IQSEC1: variants seen among roughly 807,000 people sequenced by gnomAD.
IQSEC1 encodes the protein IQ motif and SEC7 domain-containing protein 1.
IQSEC1 carries 31 observed loss-of-function variants against 91.0 expected under a neutral mutation model. The observed-to-expected ratio is 0.34, with a 90% CI of 0.26 to 0.46. The LOEUF (loss-of-function observed/expected upper bound fraction) is 0.46, where lower values mean the gene tolerates loss of function less well. Among genes scored for constraint, IQSEC1 ranks in the 20% least tolerant of loss-of-function variants. The pLI, the probability that IQSEC1 is intolerant of heterozygous loss-of-function variation, is 1.00. For missense variants in IQSEC1, 1,388 were observed against 1,575.6 expected, an observed-to-expected ratio of 0.88 and a Z score of 2.02; for synonymous variants, 699 against 662.6, an observed-to-expected ratio of 1.05 and a Z score of -0.84.
At chr3:13,216,614 A>G (rs931301270) in intron 1 of IQSEC1, among the ~76,000 whole-genome samples, 14 of 152,312 alleles carry the variant, frequency 9.2e-5, no homozygotes, top group Middle Eastern at 3.4e-3. Context: ...TGAATATCCC[A>G]GCCTCTTTCC....
intron 1 of IQSEC1, among the ~76,000 whole-genome samples, chr3:12,959,210 C>T (rs1023205867): frequency 1.3e-5 from 2 of 152,178 alleles, no homozygotes; most frequent in Admixed American, 6.5e-5. Context: ...ACCCCCAGTG[C>T]TGAATGGCCA....
At chr3:13,061,157 G>C (rs748595469) in intron 1 of IQSEC1, among the ~76,000 whole-genome samples, 1 of 152,124 alleles carries the variant, frequency 6.6e-6, no homozygotes, top group Non-Finnish European at 1.5e-5. Flanking sequence ...CCTACCCCTC[G>C]GTTCTGGCCC....
intron 1 of IQSEC1, among the ~76,000 whole-genome samples, chr3:13,005,756 G>C (rs1490577176): frequency 1.3e-5 from 2 of 152,202 alleles, no homozygotes; most frequent in African/African-American, 2.4e-5. Context: ...CGTAGGGACG[G>C]GGAATGGAAA....
intron 7 of IQSEC1, 31 bp from the exon 8 acceptor site, chr3:12,915,164 T>G (rs1575886896): frequency 6.2e-7 from 1 of 1,601,220 alleles, no homozygotes; most frequent in Non-Finnish European, 8.5e-7. Context: ...AACAAAAGGG[T>G]GTTCATGTTT....
At position 13,219,954 on chromosome 3, in the gene IQSEC1, C is replaced by G. The variant is rs375741977; in HGVS notation, c.273-55821G>C. Reference sequence around the variant, plus strand: ...TCTTCTCTCTCCCAGTCACTCCAGGCGTGGCAACTCCTCACCGGAAACCTG... The same window carrying G: ...TCTTCTCTCTCCCAGTCACTCCAGGGGTGGCAACTCCTCACCGGAAACCTG... On this transcript the variant is annotated intron_variant, in intron 1 of 15. Transcript: ENST00000648114. Among the ~76,000 whole-genome samples the G allele has an allele frequency of 1.8e-4, 28 of 152,370 alleles. 3 individuals carry two copies. The highest frequency in any genetic ancestry group is 8.5e-4 in the Admixed American group (13 of 15,310).
At chr3:13,072,898 C>T in intron 1 of IQSEC1, 94 bp downstream of exon 1, 1 of 1,133,124 alleles carries the variant, frequency 8.8e-7, no homozygotes. Flanking sequence ...CATCCACCTG[C>T]CCCTCCCCCA....
chr3:12,901,554 A>G, intron 13 of IQSEC1, 32 bp from the exon 14 acceptor site: 1 of 1,513,834 alleles, frequency 6.6e-7, no homozygotes, highest in Non-Finnish European at 8.9e-7. Context: ...ATCAAAATTA[A>G]AAGATCTTCA....
intron 2 of IQSEC1, among the ~76,000 whole-genome samples, chr3:13,085,081 G>C (rs1397377794): frequency 6.6e-6 from 1 of 152,146 alleles, no homozygotes; most frequent in Admixed American, 6.5e-5. Flanking sequence ...AGAGGAACAG[G>C]GAAGAGTGCT....
Position 12,901,117 on chromosome 3 carries a change from C to T in IQSEC1, c.3211G>A (p.Ala1071Thr). The T allele has an allele frequency of 1.9e-6, 3 of 1,540,396 alleles. No homozygotes were observed. Among genetic ancestry groups the T allele is most frequent in the Non-Finnish European group, 2.6e-6 (3 of 1,145,398 alleles). The change falls in exon 14 of 14, where the codon GCC (alanine) becomes ACC (threonine). Residue 1071 changes from alanine to threonine, a missense_variant. By Grantham distance (58) the Ala-to-Thr change is moderately conservative (BLOSUM62 0). Transcript: ENST00000613206. Reference sequence around the variant, plus strand: ...AGCGGCGGGTGGCCGTGGGCATGGGCCCCGTAGGCTGGGTGGCCCCCATGG... The same window carrying T: ...AGCGGCGGGTGGCCGTGGGCATGGGTCCCGTAGGCTGGGTGGCCCCCATGG... ...GPHGGHPAYG[A>T]HAHGHPPLPS...
intron 1 of IQSEC1, among the ~76,000 whole-genome samples, chr3:13,068,801 C>CT (rs1238420012): frequency 2.0e-5 from 3 of 152,234 alleles, no homozygotes; most frequent in Non-Finnish European, 1.5e-5. Context: ...CAAAGGTCAC[C>CT]TCCTCCAGGA....
chr3:13,071,792 G>C (rs1178233500), intron 1 of IQSEC1, among the ~76,000 whole-genome samples: 1 of 78,784 alleles, frequency 1.3e-5, no homozygotes, highest in Admixed American at 2.0e-4. Context: ...GCCATTCCCT[G>C]AACCAGAGGC....
chr3:13,171,513 A>G (rs907580077), intron 1 of IQSEC1, among the ~76,000 whole-genome samples: 2 of 152,128 alleles, frequency 1.3e-5, no homozygotes, highest in Non-Finnish European at 2.9e-5. Flanking sequence ...CTACACCCCC[A>G]GGCCATTTCC....
At chr3:13,246,419 T>C in intron 1 of IQSEC1, among the ~76,000 whole-genome samples, 1 of 152,172 alleles carries the variant, frequency 6.6e-6, no homozygotes, top group Non-Finnish European at 1.5e-5. Context: ...GAAAACATTC[T>C]GGAGATGGAC....
At chr3:12,925,391 T>C (rs936758596) in intron 3 of IQSEC1, among the ~76,000 whole-genome samples, 3 of 152,198 alleles carry the variant, frequency 2.0e-5, no homozygotes, top group Admixed American at 6.5e-5. Context: ...TCTGGTTACC[T>C]GCGGTGCTCA....
Position 13,073,108 on chromosome 3 carries a change from G to A in IQSEC1, c.-94C>T. 5 of 1,438,210 alleles carry A rather than the reference G, an allele frequency of 3.5e-6. No individual in the cohort carries two copies. Among genetic ancestry groups the A allele is most frequent in the Non-Finnish European group, 4.8e-6 (5 of 1,044,168 alleles). 89.1% of individuals were successfully genotyped at this position (1,438,210 alleles called of 1,614,324 possible). Reference sequence around the variant, plus strand: ...GGAGCAGGCGGCTCAGGCAAGAAGTGGAGGGGAATAAAATTAAATCGCGGG... The same window carrying A: ...GGAGCAGGCGGCTCAGGCAAGAAGTAGAGGGGAATAAAATTAAATCGCGGG... On this transcript the variant is annotated 5_prime_UTR_variant, in exon 1 of 14. Coordinates refer to ENST00000613206, the MANE Select transcript of IQSEC1 (RefSeq NM_001134382.3).
At chr3:13,079,000 C>T (rs531217956) in intron 2 of IQSEC1, among the ~76,000 whole-genome samples, 30 of 152,342 alleles carry the variant, frequency 2.0e-4, no homozygotes, top group African/African-American at 7.2e-4. Flanking sequence ...TTTCCTCCAC[C>T]AATAAACATT....
intron 1 of IQSEC1, among the ~76,000 whole-genome samples, chr3:12,995,498 T>C (rs1332869393): frequency 6.6e-6 from 1 of 152,198 alleles, no homozygotes; most frequent in African/African-American, 2.4e-5. Context: ...ATCCCAATTT[T>C]ACAGACAAGG....
intron 2 of IQSEC1, among the ~76,000 whole-genome samples, chr3:13,099,067 C>T (rs558491423): frequency 6.6e-5 from 10 of 152,264 alleles, no homozygotes; most frequent in African/African-American, 2.4e-4. Flanking sequence ...CCGGGTGTCC[C>T]CAAAGAGGTG....
Position 12,901,308 on chromosome 3 carries a change from G to A in IQSEC1, c.3020C>T (p.Ser1007Phe). Residue 1007 changes from serine (S) to phenylalanine (F), a missense_variant, in exon 14 of 14, where the codon TCT (serine) becomes TTT (phenylalanine). By Grantham distance (155) the Ser-to-Phe change is radical. Around this residue, in one of 2 missense-constraint regions of IQSEC1, gnomAD observed 329 missense variants for 257.8 expected, o/e 1.28. Transcript: ENST00000613206. ...GGGCCCCAGGTGGTGGCCAGCCACA[G>A]AGTGCTGCAAGTGAGGCAGGACCAC... ...PPVVLPHLQH[S>F]VAGHHLGPPE... 6.5e-7 allele frequency: 1 copy of A among 1,545,142 alleles called. No individual in the cohort carries two copies. The highest frequency in any genetic ancestry group is 8.7e-7 in the Non-Finnish European group (1 of 1,145,118).
Sources: allele counts gnomAD v4.1 joint callset (sites outside exome capture counted in the v4.1 genomes callset), GRCh38; gene constraint gnomAD v4.1.1; regional missense constraint gnomAD v4.1.1; transcripts MANE v1.5; gene names NCBI Gene and HGNC (gene_info 2026-07-23, HGNC 2026-07-21).